Variants in AFF3 observed in about 807,000 individuals in gnomAD.
AFF3 encodes the protein AF4/FMR2 family member 3.
A neutral mutation model predicts 129.7 loss-of-function variants in AFF3; 32 were observed. That is an observed-to-expected ratio of 0.25 (90% CI 0.19 to 0.33). The LOEUF (loss-of-function observed/expected upper bound fraction) is 0.33, where lower values mean the gene tolerates loss of function less well. Ranked by LOEUF, AFF3 falls within the 10% of genes least tolerant of loss-of-function variation. The probability of loss-of-function intolerance (pLI) is 1.00; values close to 1 mark genes in which losing one functional copy is unlikely to be tolerated. For missense variants in AFF3, 1,373 were observed against 1,592.0 expected (o/e 0.86, Z 2.34); for synonymous variants, 644 against 635.4 (o/e 1.01, Z -0.20).
At chr2:99,847,677 T>C (rs1689836859) in intron 7 of AFF3, among the ~76,000 whole-genome samples, 1 of 151,960 alleles carries the variant, frequency 6.6e-6, no homozygotes, top group Non-Finnish European at 1.5e-5. Flanking sequence ...ACTCAGATAT[T>C]AATCCTCACA....
intron 4 of AFF3, among the ~76,000 whole-genome samples, chr2:100,014,454 T>C (rs904562184): frequency 6.6e-6 from 1 of 152,138 alleles, no homozygotes; most frequent in East Asian, 1.9e-4. Flanking sequence ...TGTCAGATAC[T>C]AGGGAGACAG....
chr2:99,945,214 A>T (rs1178439994), intron 7 of AFF3, among the ~76,000 whole-genome samples: 4 of 152,254 alleles, frequency 2.6e-5, no homozygotes, highest in Admixed American at 2.6e-4. Context: ...CCACGTTAGC[A>T]AACAGATGCT....
intron 7 of AFF3, among the ~76,000 whole-genome samples, chr2:99,862,410 C>T (rs895038856): frequency 3.9e-5 from 6 of 152,192 alleles, no homozygotes; most frequent in African/African-American, 1.4e-4. Context: ...TTTCATGTTT[C>T]AGAAACAATC....
chr2:99,790,034 C>T (rs555842923), intron 8 of AFF3, among the ~76,000 whole-genome samples: 42 of 152,326 alleles, frequency 2.8e-4, no homozygotes, highest in African/African-American at 9.9e-4. Flanking sequence ...GATTGCTCAT[C>T]AGAAAATACA....
At chr2:99,855,088 C>T (rs1392007774) in intron 7 of AFF3, among the ~76,000 whole-genome samples, 2 of 151,718 alleles carry the variant, frequency 1.3e-5, no homozygotes, top group South Asian at 2.1e-4. Flanking sequence ...TTTGGGGTTA[C>T]GAAAATATTT....
rs1390469010 is a variant in AFF3 at position 99,752,315 on chromosome 2, T to TA, written c.922-15dup. 1 of 1,607,390 alleles carries TA rather than the reference T, an allele frequency of 6.2e-7. No homozygotes were observed. Among genetic ancestry groups the TA allele is most frequent in the Non-Finnish European group, 8.5e-7 (1 of 1,174,276 alleles). The stretch of plus-strand genomic sequence containing the variant: ...CCAGGTCATCTCCTGAAGGACGGGA[T>TA]AAAAACAAACAATATTGTGATACAG... On this transcript the variant is annotated splice_polypyrimidine_tract_variant and intron_variant, in intron 8 of 24. Coordinates refer to ENST00000672756, the MANE Select transcript of AFF3 (RefSeq NM_001386135.1).
intron 4 of AFF3, among the ~76,000 whole-genome samples, chr2:100,082,686 C>G (rs912479407): frequency 6.6e-6 from 1 of 152,108 alleles, no homozygotes; most frequent in Non-Finnish European, 1.5e-5. Flanking sequence ...ATATGTGAAG[C>G]TATTTAGTCA....
intron 7 of AFF3, among the ~76,000 whole-genome samples, chr2:99,949,786 G>A (rs971680365): frequency 6.6e-6 from 1 of 152,172 alleles, no homozygotes; most frequent in Admixed American, 6.5e-5. Context: ...TCTGCTGTGC[G>A]GCCCAGTTAC....
At chr2:99,741,858 G>T (rs1680747582) in intron 10 of AFF3, among the ~76,000 whole-genome samples, 1 of 152,146 alleles carries the variant, frequency 6.6e-6, no homozygotes, top group Admixed American at 6.5e-5. Context: ...CATGGTACTG[G>T]TACCAAAACA....
chr2:99,962,584 A>G (rs1023640871), intron 7 of AFF3, among the ~76,000 whole-genome samples: 1 of 152,144 alleles, frequency 6.6e-6, no homozygotes, highest in African/African-American at 2.4e-5. Flanking sequence ...AACAATATTG[A>G]AACTGTATAA....
intron 4 of AFF3, among the ~76,000 whole-genome samples, chr2:100,045,635 C>T (rs1019904986): frequency 6.6e-6 from 1 of 151,750 alleles, no homozygotes; most frequent in Non-Finnish European, 1.5e-5. Context: ...CCCCTCCCTC[C>T]ACCTTTCCCA....
chr2:99,558,814 C>T lies in AFF3; in HGVS notation c.3285+61G>A, dbSNP rs552530312. 7.1e-6 allele frequency: 11 copies of T among 1,546,624 alleles called. No homozygotes were observed. The Admixed American group carries it at 1.9e-4, about 26-fold the overall frequency. Reference sequence around the variant, plus strand: ...GCAATGGAGTCTACCAGGTGCTTCACAAATTTGACAGGGAGACAAGTGAAA... The same window carrying T: ...GCAATGGAGTCTACCAGGTGCTTCATAAATTTGACAGGGAGACAAGTGAAA... On this transcript the variant is annotated intron_variant, in intron 22 of 24. Transcript: ENST00000672756.
chr2:99,884,561 G>T (rs1692965525), intron 7 of AFF3, among the ~76,000 whole-genome samples: 1 of 130,542 alleles, frequency 7.7e-6, no homozygotes, highest in South Asian at 2.6e-4. Flanking sequence ...ACCACACCTG[G>T]CTAATTTTTG....
chr2:99,573,950 T>C (rs993988039), intron 18 of AFF3, among the ~76,000 whole-genome samples: 1 of 151,854 alleles, frequency 6.6e-6, no homozygotes, highest in Non-Finnish European at 1.5e-5. Flanking sequence ...ATGGAGGAGG[T>C]GGTTTTCCAG....
At chr2:99,905,666 T>C (rs1404419248) in intron 7 of AFF3, among the ~76,000 whole-genome samples, 9 of 152,304 alleles carry the variant, frequency 5.9e-5, no homozygotes, top group Admixed American at 5.2e-4. Flanking sequence ...CAGATATTCA[T>C]GAGTTTAATT....
intron 8 of AFF3, among the ~76,000 whole-genome samples, chr2:99,816,040 CT>C (rs75327322): frequency 0.04 from 5,482 of 135,890 alleles, 125 homozygotes; most frequent in Admixed American, 0.071. Flanking sequence ...ATGATCTGTT[CT>C]TTTTTTTTTT....
intron 7 of AFF3, among the ~76,000 whole-genome samples, chr2:99,956,139 G>T (rs1301421536): frequency 7.5e-5 from 11 of 146,752 alleles, no homozygotes; most frequent in African/African-American, 7.6e-5. Context: ...TTTTTTGGCT[G>T]CAAAGATGCT....
At chr2:99,711,291 C>A (rs1245145406) in intron 11 of AFF3, among the ~76,000 whole-genome samples, 1 of 152,108 alleles carries the variant, frequency 6.6e-6, no homozygotes, top group Non-Finnish European at 1.5e-5. Flanking sequence ...TGACTGCAAA[C>A]CCCTCCAGGA....
intron 4 of AFF3, among the ~76,000 whole-genome samples, chr2:100,028,399 C>T (rs913176353): frequency 6.6e-6 from 1 of 152,074 alleles, no homozygotes; most frequent in Non-Finnish European, 1.5e-5. Flanking sequence ...AGAAACCTAA[C>T]ATGTAATAAT....
Sources: gnomAD v4.1 joint callset for allele counts (sites outside exome capture counted in the v4.1 genomes callset) on GRCh38, gnomAD v4.1.1 for gene constraint, MANE v1.5 for transcripts, NCBI Gene and HGNC (gene_info 2026-07-23, HGNC 2026-07-21) for gene names.